The following ADGRB3 variants were observed in gnomAD, a reference collection of about 807,000 sequenced individuals.
The protein encoded by ADGRB3 is adhesion G protein-coupled receptor B3.
Under a neutral mutation model 193.4 loss-of-function variants are expected in ADGRB3, and 37 were observed. The ratio of observed to expected loss-of-function variants is 0.19; its 90% confidence interval spans 0.15 to 0.25. ADGRB3 has a LOEUF of 0.25. Ranked by LOEUF, ADGRB3 falls within the 10% of genes least tolerant of loss-of-function variation. ADGRB3 has a pLI of 1.00. For synonymous variants in ADGRB3, 690 were observed against 644.2 expected (o/e 1.07, Z -1.08); for missense variants, 1,637 against 1,852.9 (o/e 0.88, Z 2.14).
intron 20 of ADGRB3, among the ~76,000 whole-genome samples, chr6:69,297,414 A>C (rs9363993): frequency 0.24 from 30,626 of 128,040 alleles, 3,611 homozygotes; most frequent in East Asian, 0.54. Flanking sequence ...CTCTCTCTAT[A>C]TATATATATA....
chr6:69,241,658 A>C (rs1023098786), intron 20 of ADGRB3, among the ~76,000 whole-genome samples: 13 of 151,956 alleles, frequency 8.6e-5, no homozygotes, highest in African/African-American at 3.1e-4. Flanking sequence ...AATTTGGTTT[A>C]CTTTTCATTT....
intron 3 of ADGRB3, among the ~76,000 whole-genome samples, chr6:68,692,471 A>C (rs1204579511): frequency 1.3e-5 from 2 of 151,778 alleles, no homozygotes; most frequent in Non-Finnish European, 2.9e-5. Flanking sequence ...CCTTTTTATA[A>C]TTTTTTCCCT....
chr6:69,214,738 G>A (rs1329429084), intron 17 of ADGRB3, among the ~76,000 whole-genome samples: 4 of 151,556 alleles, frequency 2.6e-5, no homozygotes, highest in East Asian at 3.9e-4. Flanking sequence ...TGTCAGGTTG[G>A]TGCAAACGTA....
chr6:68,948,201 G>A (rs1767823765), intron 6 of ADGRB3, among the ~76,000 whole-genome samples: 1 of 152,162 alleles, frequency 6.6e-6, no homozygotes, highest in African/African-American at 2.4e-5. Flanking sequence ...GTTGCACTGT[G>A]ACCTTGTTTT....
intron 3 of ADGRB3, among the ~76,000 whole-genome samples, chr6:68,853,322 C>T (rs1768443037): frequency 6.6e-6 from 1 of 151,868 alleles, no homozygotes; most frequent in African/African-American, 2.4e-5. Flanking sequence ...GATTTCATAA[C>T]CTGTATTGTT....
chr6:68,676,771 A>G (rs1024252265), intron 3 of ADGRB3, among the ~76,000 whole-genome samples: 1 of 152,208 alleles, frequency 6.6e-6, no homozygotes, highest in Non-Finnish European at 1.5e-5. Context: ...TTAATGATAC[A>G]GTTCTTATGT....
At chr6:69,145,390 G>A (rs1267557608) in intron 17 of ADGRB3, among the ~76,000 whole-genome samples, 1 of 152,214 alleles carries the variant, frequency 6.6e-6, no homozygotes, top group African/African-American at 2.4e-5. Context: ...GCACCTGGAA[G>A]CTTGGAGACG....
At chr6:68,681,940 C>G (rs1308430145) in intron 3 of ADGRB3, among the ~76,000 whole-genome samples, 1 of 152,090 alleles carries the variant, frequency 6.6e-6, no homozygotes, top group Non-Finnish European at 1.5e-5. Flanking sequence ...GGCAACAATA[C>G]TATAAGTAAA....
chr6:69,339,096 G>T, intron 25 of ADGRB3, 82 bp downstream of exon 25: 1 of 1,452,918 alleles, frequency 6.9e-7, no homozygotes. Context: ...AAAAAATTGT[G>T]TTTTCTAATA....
chr6:68,865,555 C>G (rs1464689269), intron 3 of ADGRB3, among the ~76,000 whole-genome samples: 3 of 152,094 alleles, frequency 2.0e-5, no homozygotes, highest in Non-Finnish European at 2.9e-5. Context: ...AAAACATTAG[C>G]CCTCAGCCAT....
At chr6:69,265,596 G>A (rs977586745) in intron 20 of ADGRB3, among the ~76,000 whole-genome samples, 16 of 151,862 alleles carry the variant, frequency 1.1e-4, no homozygotes, top group South Asian at 1.0e-3. Flanking sequence ...ACCAAATTAC[G>A]TGTTCCAAAA....
At chr6:69,008,133 C>A (rs531396666) in intron 11 of ADGRB3, among the ~76,000 whole-genome samples, 29 of 152,240 alleles carry the variant, frequency 1.9e-4, no homozygotes, top group African/African-American at 6.5e-4. Flanking sequence ...ATTACATTGT[C>A]AACAGCTGAA....
At chr6:69,186,560 G>T (rs1484455404) in intron 17 of ADGRB3, among the ~76,000 whole-genome samples, 2 of 151,444 alleles carry the variant, frequency 1.3e-5, no homozygotes, top group African/African-American at 4.8e-5. Flanking sequence ...AAAAAAAAAA[G>T]AAGAAGAAAA....
chr6:68,702,367 G>C (rs1278492236), intron 3 of ADGRB3, among the ~76,000 whole-genome samples: 1 of 152,110 alleles, frequency 6.6e-6, no homozygotes, highest in Non-Finnish European at 1.5e-5. Flanking sequence ...TCTCCCACCA[G>C]TACCCACTTC....
chr6:68,691,254 G>A (rs967012205), intron 3 of ADGRB3, among the ~76,000 whole-genome samples: 1 of 152,054 alleles, frequency 6.6e-6, no homozygotes, highest in African/African-American at 2.4e-5. Flanking sequence ...GATAGACGTT[G>A]TGGTAAGTTT....
At chr6:68,893,676 G>A (rs1345832574) in intron 3 of ADGRB3, among the ~76,000 whole-genome samples, 2 of 151,796 alleles carry the variant, frequency 1.3e-5, no homozygotes, top group Non-Finnish European at 2.9e-5. Context: ...GAAACAAAGC[G>A]AGCATATTTT....
Position 68,956,693 on chromosome 6 carries a change from C to T in ADGRB3, c.1409C>T (p.Ser470Phe). 6.2e-7 allele frequency: 1 copy of T among 1,613,930 alleles called. No homozygotes were observed. The highest frequency in any genetic ancestry group is 8.5e-7 in the Non-Finnish European group (1 of 1,179,956). Residue 470 changes from serine (S) to phenylalanine (F), a missense_variant, in exon 8 of 32, where the codon TCC becomes TTC. Transcript: ENST00000370598. The stretch of plus-strand genomic sequence containing the variant: ...GGTCATTGGAGTGGTTGTTCCAAGT[C>T]CTGTGATGGCGGCTGGGAAAGGCGA... The part of the protein sequence containing the change: ...QWGHWSGCSK[S>F]CDGGWERRIR...
intron 17 of ADGRB3, among the ~76,000 whole-genome samples, chr6:69,154,886 A>T (rs1205241522): frequency 6.6e-6 from 1 of 152,176 alleles, no homozygotes; most frequent in Non-Finnish European, 1.5e-5. Flanking sequence ...TTAATTTCAC[A>T]TTGTTTACCA....
At chr6:69,316,398 A>T (rs1768313595) in intron 20 of ADGRB3, among the ~76,000 whole-genome samples, 1 of 151,520 alleles carries the variant, frequency 6.6e-6, no homozygotes, top group Admixed American at 6.6e-5. Context: ...GTATTTCTTA[A>T]AAGGTATGAG....
Sources: allele counts gnomAD v4.1 joint callset (sites outside exome capture counted in the v4.1 genomes callset), GRCh38; gene constraint gnomAD v4.1.1; transcripts MANE v1.5; gene names NCBI Gene and HGNC (gene_info 2026-07-23, HGNC 2026-07-21).